TMEM131: variants seen among roughly 807,000 people sequenced by gnomAD.
TMEM131 encodes transmembrane protein 131.
In TMEM131, 66 loss-of-function variants were observed where a neutral mutation model predicts 211.6. The ratio of observed to expected loss-of-function variants is 0.31; its 90% confidence interval spans 0.26 to 0.38. The LOEUF is 0.38. TMEM131 is among the 10% of genes least tolerant of loss of function. The pLI is 1.00. For missense variants in TMEM131, 2,036 were observed against 2,299.3 expected, an observed-to-expected ratio of 0.89 and a Z score of 2.34; for synonymous variants, 844 against 841.3, an observed-to-expected ratio of 1.00 and a Z score of -0.06.
chr2:97,918,291 A>T (rs1319778403), intron 2 of TMEM131, among the ~76,000 whole-genome samples: 1 of 152,280 alleles, frequency 6.6e-6, no homozygotes, highest in Non-Finnish European at 1.5e-5. Context: ...GAGTATTCTC[A>T]TTAGGTATAA....
intron 12 of TMEM131, among the ~76,000 whole-genome samples, chr2:97,817,021 T>G (rs543244597): frequency 5.9e-5 from 9 of 152,312 alleles, no homozygotes; most frequent in African/African-American, 1.7e-4. Flanking sequence ...AAACCTACTT[T>G]TAAGAAATGT....
chr2:97,765,853 G>C (rs1308532391), intron 35 of TMEM131, among the ~76,000 whole-genome samples: 1 of 151,950 alleles, frequency 6.6e-6, no homozygotes, highest in East Asian at 1.9e-4. Context: ...GCAGTGGTGT[G>C]CTAGTATACC....
chr2:97,986,002 T>A lies in TMEM131; in HGVS notation c.187+9474A>T, dbSNP rs76111056. On this transcript the variant is annotated intron_variant, in intron 1 of 40. Coordinates refer to ENST00000186436, the MANE Select transcript of TMEM131 (RefSeq NM_015348.2). ...TATAAAAATAATAGAAAATAAAAAATTCAAATGCAAATAGAAACTCAGAAA... is the reference window on the plus strand; with the variant it reads ...TATAAAAATAATAGAAAATAAAAAAATCAAATGCAAATAGAAACTCAGAAA... 4.8e-4 allele frequency among the ~76,000 whole-genome samples: 69 copies of A among 144,550 alleles called. 2 individuals carry two copies. The East Asian group carries it at 9.5e-3, about 20-fold the overall frequency. The allele number at this position is 144,550 out of a possible 152,430, so 94.8% of individuals were successfully genotyped here.
chr2:97,949,234 G>T (rs1333859578), intron 1 of TMEM131, among the ~76,000 whole-genome samples: 1 of 152,170 alleles, frequency 6.6e-6, no homozygotes, highest in Non-Finnish European at 1.5e-5. Flanking sequence ...AAATAATCAT[G>T]CTGAGTGAAA....
intron 2 of TMEM131, 58 bp from the exon 3 acceptor site, chr2:97,908,756 C>T (rs534430589): frequency 7.3e-7 from 1 of 1,372,700 alleles, no homozygotes; most frequent in East Asian, 2.3e-5. Context: ...ATATTACAGA[C>T]ATATGGAATA....
At chr2:97,772,875 G>A (rs1336918268) in intron 32 of TMEM131, among the ~76,000 whole-genome samples, 3 of 152,356 alleles carry the variant, frequency 2.0e-5, no homozygotes, top group East Asian at 3.9e-4. Context: ...CAGCCTGGGC[G>A]ACAGAGCGAG....
At chr2:97,988,369 A>G (rs998950743) in intron 1 of TMEM131, among the ~76,000 whole-genome samples, 1 of 152,244 alleles carries the variant, frequency 6.6e-6, no homozygotes, top group African/African-American at 2.4e-5. Flanking sequence ...AGGAGAAAGC[A>G]TAGGGAAAAA....
At chr2:97,919,351 C>A (rs754200868) in intron 2 of TMEM131, among the ~76,000 whole-genome samples, 28 of 152,138 alleles carry the variant, frequency 1.8e-4, no homozygotes, top group Non-Finnish European at 2.9e-4. Flanking sequence ...CAAATTCTCT[C>A]CATTCTTATC....
chr2:97,886,141 T>C (rs1237928889), intron 4 of TMEM131, among the ~76,000 whole-genome samples: 2 of 152,190 alleles, frequency 1.3e-5, no homozygotes, highest in Non-Finnish European at 2.9e-5. Context: ...CCTGTCTCTT[T>C]GTTGAATTTC....
chr2:97,800,897 G>A (rs1262758097), intron 25 of TMEM131, among the ~76,000 whole-genome samples: 3 of 152,280 alleles, frequency 2.0e-5, no homozygotes, highest in East Asian at 1.9e-4. Context: ...CCAGAGCCGC[G>A]CATGAGGCTG....
At chr2:97,886,913 T>C (rs1233148800) in intron 4 of TMEM131, among the ~76,000 whole-genome samples, 1 of 152,208 alleles carries the variant, frequency 6.6e-6, no homozygotes, top group East Asian at 1.9e-4. Context: ...TTTTGGAGAA[T>C]CTGAGAAGGG....
intron 2 of TMEM131, among the ~76,000 whole-genome samples, chr2:97,921,374 T>G (rs528829606): frequency 6.6e-6 from 1 of 152,172 alleles, no homozygotes; most frequent in Non-Finnish European, 1.5e-5. Flanking sequence ...TTGAGCTAAC[T>G]GTGAAAGGCA....
intron 2 of TMEM131, among the ~76,000 whole-genome samples, chr2:97,911,995 C>A (rs546689155): frequency 6.6e-6 from 1 of 152,146 alleles, no homozygotes; most frequent in South Asian, 2.1e-4. Flanking sequence ...TACAGTGAGA[C>A]TAAATAAGAT....
chr2:97,789,780 T>C (rs945759565), intron 31 of TMEM131, among the ~76,000 whole-genome samples: 4 of 152,158 alleles, frequency 2.6e-5, no homozygotes, highest in African/African-American at 4.8e-5. Context: ...GGGGTTTAAG[T>C]GTTAGAGGGG....
chr2:97,783,759 A>G (rs556582368), intron 31 of TMEM131, among the ~76,000 whole-genome samples: 1 of 152,232 alleles, frequency 6.6e-6, no homozygotes, highest in East Asian at 1.9e-4. Flanking sequence ...TAACATATCA[A>G]TAAGCACATT....
rs1396702123 is a variant in TMEM131, at chr2:97,995,501, CACT to C, written c.159_161del (p.Val54del). Reference sequence around the variant, plus strand: ...CTTCCTTCTCGGCCCGCGCCGCAGCCACTACGAGGGTCATCACCAGGTGCAGCG... The same window carrying C: ...CTTCCTTCTCGGCCCGCGCCGCAGCCACGAGGGTCATCACCAGGTGCAGCG... On this transcript the variant is annotated inframe_deletion, in exon 1 of 41. Coordinates refer to ENST00000186436, the MANE Select transcript of TMEM131 (RefSeq NM_015348.2). The C allele has an allele frequency of 2.1e-6, 3 of 1,413,300 alleles. No individual in the cohort carries two copies. The highest frequency in any genetic ancestry group is 9.3e-7 in the Non-Finnish European group (1 of 1,078,116). 87.5% of individuals were successfully genotyped at this position (1,413,300 alleles called of 1,614,324 possible). A position where few individuals can be genotyped will look rare whatever the true frequency, so the allele number is the denominator to read the frequency against.
At chr2:97,767,940 A>G (rs1348191212) in intron 33 of TMEM131, among the ~76,000 whole-genome samples, 2 of 152,184 alleles carry the variant, frequency 1.3e-5, no homozygotes, top group African/African-American at 2.4e-5. Context: ...AACTTTCCCG[A>G]TCTAACGGCA....
At chr2:97,785,997 T>C (rs1680231942) in intron 31 of TMEM131, among the ~76,000 whole-genome samples, 1 of 152,164 alleles carries the variant, frequency 6.6e-6, no homozygotes, top group African/African-American at 2.4e-5. Context: ...AATGGAATCA[T>C]AGTTGCCAGA....
intron 31 of TMEM131, among the ~76,000 whole-genome samples, chr2:97,785,578 C>T (rs1335244662): frequency 6.6e-6 from 1 of 152,140 alleles, no homozygotes; most frequent in Admixed American, 6.5e-5. Flanking sequence ...GAATGTAATA[C>T]AGCACAGTCA....
Sources: gnomAD v4.1 joint callset for allele counts (sites outside exome capture counted in the v4.1 genomes callset) on GRCh38, gnomAD v4.1.1 for gene constraint, MANE v1.5 for transcripts, NCBI Gene and HGNC (gene_info 2026-07-23, HGNC 2026-07-21) for gene names.